The following PTPN4 variants were observed in gnomAD, a reference collection of about 807,000 sequenced individuals.
The protein encoded by PTPN4 is tyrosine-protein phosphatase non-receptor type 4.
In PTPN4, 49 loss-of-function variants were observed where a neutral mutation model predicts 135.5. The ratio of observed to expected loss-of-function variants is 0.36; its 90% CI spans 0.29 to 0.46. The LOEUF is 0.46. PTPN4 is among the 20% of genes least tolerant of loss of function. The pLI is 1.00. For synonymous variants in PTPN4, 333 were observed against 369.9 expected (o/e 0.90, Z 1.14); for missense variants, 860 against 1,101.0 (o/e 0.78, Z 3.10).
At chr2:119,774,803 G>A (rs1184438125) in intron 1 of PTPN4, among the ~76,000 whole-genome samples, 1 of 152,072 alleles carries the variant, frequency 6.6e-6, no homozygotes, top group Non-Finnish European at 1.5e-5. Context: ...GAGGCGGGCA[G>A]ATCACGAGGT....
chr2:119,787,721 TGAG>T (rs2104933124), intron 1 of PTPN4, among the ~76,000 whole-genome samples: 1 of 152,310 alleles, frequency 6.6e-6, no homozygotes, highest in African/African-American at 2.4e-5. Context: ...AGTGTGGCAA[TGAG>T]GGGATTGTGG....
chr2:119,773,205 C>G (rs941079166), intron 1 of PTPN4, among the ~76,000 whole-genome samples: 16 of 152,020 alleles, frequency 1.1e-4, no homozygotes, highest in South Asian at 2.1e-4. Context: ...ATCGTAGATA[C>G]TAATTGGTTT....
At chr2:119,763,538 T>A (rs1690546985) in intron 1 of PTPN4, among the ~76,000 whole-genome samples, 1 of 152,170 alleles carries the variant, frequency 6.6e-6, no homozygotes, top group South Asian at 2.1e-4. Flanking sequence ...CTAAGGGAAA[T>A]GAAATAACTT....
chr2:119,859,777 G>T (rs2104986005), intron 2 of PTPN4, among the ~76,000 whole-genome samples: 1 of 152,302 alleles, frequency 6.6e-6, no homozygotes, highest in East Asian at 1.9e-4. Flanking sequence ...ATAAGTTCAG[G>T]CTTTTCACTT....
chr2:119,938,167 G>A (rs1374102331), intron 15 of PTPN4, among the ~76,000 whole-genome samples: 8 of 127,926 alleles, frequency 6.3e-5, no homozygotes, highest in Non-Finnish European at 1.1e-4. Context: ...TCACTCTGTC[G>A]CCCAGGCTGG....
At chr2:119,910,202 A>T (rs1558761728) in intron 10 of PTPN4, among the ~76,000 whole-genome samples, 1 of 152,066 alleles carries the variant, frequency 6.6e-6, no homozygotes, top group Non-Finnish European at 1.5e-5. Context: ...ACAACTCCTG[A>T]GGGCTCAGAT....
At chr2:119,899,614 A>G (rs1678375075) in intron 9 of PTPN4, among the ~76,000 whole-genome samples, 1 of 152,056 alleles carries the variant, frequency 6.6e-6, no homozygotes. Flanking sequence ...CTAATGTTTT[A>G]TGAGGTTGGG....
At chr2:119,914,428 G>C (rs933654320) in intron 10 of PTPN4, among the ~76,000 whole-genome samples, 1 of 151,882 alleles carries the variant, frequency 6.6e-6, no homozygotes, top group Non-Finnish European at 1.5e-5. Flanking sequence ...TTGAAAAGTT[G>C]ACTCATGCAT....
chr2:119,803,944 G>A (rs769989508), intron 1 of PTPN4, among the ~76,000 whole-genome samples: 1 of 151,644 alleles, frequency 6.6e-6, no homozygotes, highest in Non-Finnish European at 1.5e-5. Context: ...TACTTTATCT[G>A]ATACTAATAT....
At chr2:119,807,353 G>C (rs781239641) in intron 1 of PTPN4, among the ~76,000 whole-genome samples, 4 of 152,044 alleles carry the variant, frequency 2.6e-5, no homozygotes, top group South Asian at 2.1e-4. Flanking sequence ...GAAGAAAAGA[G>C]GGAAGAATCG....
intron 1 of PTPN4, among the ~76,000 whole-genome samples, chr2:119,808,774 A>T (rs1325389109): frequency 6.6e-6 from 1 of 152,168 alleles, no homozygotes; most frequent in Non-Finnish European, 1.5e-5. Flanking sequence ...TTGTCAACAT[A>T]GTAAGACTTT....
At chr2:119,783,373 G>T (rs762560908) in intron 1 of PTPN4, among the ~76,000 whole-genome samples, 2 of 152,194 alleles carry the variant, frequency 1.3e-5, no homozygotes, top group African/African-American at 2.4e-5. Context: ...TGTAACAAAG[G>T]TCTCAGTATA....
chr2:119,877,590 T>C (rs1678003804), intron 5 of PTPN4, 48 bp downstream of exon 5: 1 of 1,546,176 alleles, frequency 6.5e-7, no homozygotes. Flanking sequence ...AAAACTCTAA[T>C]ATGAAATTTT....
intron 2 of PTPN4, among the ~76,000 whole-genome samples, chr2:119,844,698 G>C (rs1233047371): frequency 6.7e-6 from 1 of 149,678 alleles, no homozygotes; most frequent in Admixed American, 6.6e-5. Context: ...ATGTGATGGC[G>C]GCTGGGAAGA....
intron 1 of PTPN4, among the ~76,000 whole-genome samples, chr2:119,765,502 T>A (rs1214857012): frequency 1.3e-5 from 2 of 152,238 alleles, no homozygotes; most frequent in Non-Finnish European, 2.9e-5. Context: ...AATTTTATAA[T>A]TGTATTTCAT....
intron 1 of PTPN4, among the ~76,000 whole-genome samples, chr2:119,760,911 A>G (rs1342276316): frequency 2.0e-5 from 3 of 149,818 alleles, no homozygotes; most frequent in African/African-American, 7.4e-5. Flanking sequence ...GTGGGTAAAC[A>G]GTGATGCATT....
intron 2 of PTPN4, among the ~76,000 whole-genome samples, chr2:119,857,288 T>C (rs1236962858): frequency 6.6e-6 from 1 of 152,026 alleles, no homozygotes; most frequent in Non-Finnish European, 1.5e-5. Context: ...CCCAGCACTT[T>C]GGGAGGCCAA....
chr2:119,957,212 T>G, intron 22 of PTPN4, 135 bp downstream of exon 22: 1 of 809,720 alleles, frequency 1.2e-6, no homozygotes, highest in African/African-American at 1.8e-5. Flanking sequence ...ATTGAAGTAA[T>G]ATTAAAGAAA....
At chr2:119,972,783 A>T (rs138634318) in intron 26 of PTPN4, among the ~76,000 whole-genome samples, 53 of 152,180 alleles carry the variant, frequency 3.5e-4, no homozygotes, top group African/African-American at 1.3e-3. Context: ...CAGTTTTGTT[A>T]AGTGCTTTTC....
Sources: gnomAD v4.1 joint callset for allele counts (sites outside exome capture counted in the v4.1 genomes callset) on GRCh38, gnomAD v4.1.1 for gene constraint, MANE v1.5 for transcripts, NCBI Gene and HGNC (gene_info 2026-07-23, HGNC 2026-07-21) for gene names.